PKIG: variants seen among roughly 807,000 people sequenced by gnomAD.
The protein encoded by PKIG is cAMP-dependent protein kinase inhibitor gamma.
PKIG carries 1 observed loss-of-function variant against 6.8 expected under a neutral mutation model. The observed-to-expected ratio is 0.15, with a 90% CI of 0.05 to 0.69. The LOEUF is 0.69. PKIG is among the 30% of genes least tolerant of loss of function. PKIG has a pLI of 0.82. For missense variants in PKIG, 77 were observed against 104.0 expected, an observed-to-expected ratio of 0.74 and a Z score of 1.13; for synonymous variants, 39 against 43.0, an observed-to-expected ratio of 0.91 and a Z score of 0.36.
intron 1 of PKIG, among the ~76,000 whole-genome samples, chr20:44,562,088 C>G (rs575161886): frequency 3.9e-5 from 6 of 152,000 alleles, no homozygotes; most frequent in Non-Finnish European, 5.9e-5. Context: ...GGAGGCCAGC[C>G]TGGGCAGCAT....
At chr20:44,555,056 T>C (rs932710384) in intron 1 of PKIG, among the ~76,000 whole-genome samples, 7 of 152,248 alleles carry the variant, frequency 4.6e-5, no homozygotes, top group Non-Finnish European at 2.9e-5. Context: ...TCTGTATTTT[T>C]GACAGACTGC....
intron 1 of PKIG, among the ~76,000 whole-genome samples, chr20:44,576,142 A>T (rs1029526824): frequency 1.3e-5 from 2 of 150,472 alleles, no homozygotes; most frequent in African/African-American, 2.5e-5. Flanking sequence ...GTTTTACCAT[A>T]GACTGGACTA....
upstream of PKIG, among the ~76,000 whole-genome samples, chr20:44,579,482 C>T (rs1349943282): frequency 6.6e-6 from 1 of 152,250 alleles, no homozygotes; most frequent in African/African-American, 2.4e-5. Flanking sequence ...CTGCCCCTTG[C>T]TCCCGTGAGC....
At chr20:44,546,617 AT>A (rs1374117732) in intron 1 of PKIG, among the ~76,000 whole-genome samples, 1 of 150,546 alleles carries the variant, frequency 6.6e-6, no homozygotes, top group Non-Finnish European at 1.5e-5. Context: ...CAATGGTACA[AT>A]CTTGGATCAC....
intron 1 of PKIG, among the ~76,000 whole-genome samples, chr20:44,573,034 T>G (rs1324167149): frequency 6.6e-6 from 1 of 152,210 alleles, no homozygotes; most frequent in Non-Finnish European, 1.5e-5. Flanking sequence ...AGCACAGAAG[T>G]TCTTTTTTCA....
chr20:44,596,131 G>A lies in PKIG; in HGVS notation c.-24+6265G>A, dbSNP rs879658758. On this transcript the variant is annotated intron_variant, in intron 2 of 3. Transcript: ENST00000372886. The stretch of plus-strand genomic sequence containing the variant: ...ATACAGTGACAAACAAGAAAGGCAG[G>A]GTACCTACCCTCTTGGAATCAGTTG... Among the ~76,000 whole-genome samples the A allele has an allele frequency of 1.4e-4, 21 of 152,224 alleles. 1 individual carries two copies. Among genetic ancestry groups the A allele is most frequent in the Non-Finnish European group, 2.2e-4 (15 of 68,012 alleles).
chr20:44,592,856 T>C (rs2065044276), intron 2 of PKIG, among the ~76,000 whole-genome samples: 1 of 152,194 alleles, frequency 6.6e-6, no homozygotes. Context: ...GAATCAATAT[T>C]GTCAAAATGT....
chr20:44,562,358 C>T (rs2064774233), intron 1 of PKIG, among the ~76,000 whole-genome samples: 1 of 151,912 alleles, frequency 6.6e-6, no homozygotes, highest in East Asian at 1.9e-4. Flanking sequence ...AGCCTTTAAT[C>T]CCAGTACTTT....
At chr20:44,562,266 G>A (rs1021133050) in intron 1 of PKIG, among the ~76,000 whole-genome samples, 6 of 152,108 alleles carry the variant, frequency 3.9e-5, no homozygotes, top group African/African-American at 1.4e-4. Flanking sequence ...CTCTGATTAG[G>A]TTGATCAAGA....
chr20:44,568,798 AT>A (rs2064831304), intron 1 of PKIG, among the ~76,000 whole-genome samples: 1 of 152,040 alleles, frequency 6.6e-6, no homozygotes, highest in African/African-American at 2.4e-5. Context: ...CGATAGTATC[AT>A]TTATTGTGAC....
At chr20:44,554,184 T>A (rs1334935608) in intron 1 of PKIG, among the ~76,000 whole-genome samples, 2 of 152,108 alleles carry the variant, frequency 1.3e-5, no homozygotes, top group Non-Finnish European at 2.9e-5. Flanking sequence ...CTCAAGCAAT[T>A]CTCGTGCCTC....
intron 1 of PKIG, among the ~76,000 whole-genome samples, chr20:44,587,469 T>C (rs1357326456): frequency 6.6e-6 from 1 of 152,170 alleles, no homozygotes; most frequent in African/African-American, 2.4e-5. Flanking sequence ...TTACAAAATG[T>C]ATGGGCCCCA....
chr20:44,537,181 C>T (rs980457728), intron 1 of PKIG, among the ~76,000 whole-genome samples: 32 of 151,914 alleles, frequency 2.1e-4, no homozygotes, highest in Non-Finnish European at 4.4e-4. Flanking sequence ...CTTGGCTCAC[C>T]GCAACTGCCA....
chr20:44,572,009 G>C (rs903447622), intron 1 of PKIG, among the ~76,000 whole-genome samples: 1 of 152,254 alleles, frequency 6.6e-6, no homozygotes. Context: ...ACATGTTTTT[G>C]TTTGTTTGTT....
upstream of PKIG, among the ~76,000 whole-genome samples, chr20:44,582,065 C>T (rs989730526): frequency 2.0e-5 from 3 of 152,012 alleles, no homozygotes; most frequent in Non-Finnish European, 2.9e-5. Context: ...AAGCCTTCCC[C>T]GGGGGCACAC....
chr20:44,562,648 G>T (rs1011527420), intron 1 of PKIG, among the ~76,000 whole-genome samples: 1 of 144,950 alleles, frequency 6.9e-6, no homozygotes, highest in Non-Finnish European at 1.5e-5. Context: ...GAGTGAAAAA[G>T]GGAGATAGTA....
chr20:44,603,829 G>A (rs1035250913), intron 2 of PKIG, among the ~76,000 whole-genome samples: 2 of 152,234 alleles, frequency 1.3e-5, no homozygotes, highest in Non-Finnish European at 1.5e-5. Flanking sequence ...GAACTCAGGA[G>A]AGAAAAGACT....
chr20:44,574,862 G>T (rs1055986066), intron 1 of PKIG, among the ~76,000 whole-genome samples: 1 of 152,156 alleles, frequency 6.6e-6, no homozygotes, highest in Admixed American at 6.5e-5. Context: ...GAGCTACCGT[G>T]CCCAGCCTAG....
chr20:44,540,187 C>G (rs6031650), intron 1 of PKIG, among the ~76,000 whole-genome samples: 1 of 151,952 alleles, frequency 6.6e-6, no homozygotes, highest in Admixed American at 6.6e-5. Context: ...TCTTGAACTC[C>G]TGACCTCCAG....
Sources: gnomAD v4.1 joint callset for allele counts (sites outside exome capture counted in the v4.1 genomes callset) on GRCh38, gnomAD v4.1.1 for gene constraint, MANE v1.5 for transcripts, NCBI Gene and HGNC (gene_info 2026-07-23, HGNC 2026-07-21) for gene names.